ANO3: variants seen among roughly 807,000 people sequenced by gnomAD.
ANO3 encodes anoctamin-3.
In ANO3, 99 loss-of-function variants were observed where a neutral mutation model predicts 144.8. That is an observed-to-expected ratio of 0.68 (90% CI 0.58 to 0.81). The LOEUF (loss-of-function observed/expected upper bound fraction) is 0.81. ANO3 is among the 30% of genes least tolerant of loss of function. The pLI, the probability that ANO3 is intolerant of heterozygous loss-of-function variation, is 0.00. For synonymous variants in ANO3, 414 were observed against 392.6 expected, an observed-to-expected ratio of 1.05 and a Z score of -0.64; for missense variants, 905 against 1,202.2, an observed-to-expected ratio of 0.75 and a Z score of 3.66.
chr11:26,402,772 C>A (rs1187869788), intron 1 of ANO3, among the ~76,000 whole-genome samples: 3 of 151,808 alleles, frequency 2.0e-5, no homozygotes, highest in Non-Finnish European at 2.9e-5. Context: ...AGCTTAATAC[C>A]AGGTGATGAA....
intron 1 of ANO3, among the ~76,000 whole-genome samples, chr11:26,206,078 A>AT (rs1851790650): frequency 1.3e-5 from 2 of 152,282 alleles, no homozygotes; most frequent in South Asian, 4.1e-4. Flanking sequence ...ATCAAACAGG[A>AT]TTTTATTGCA....
intron 1 of ANO3, chr11:26,309,815 A>G (rs968445722): frequency 4.1e-6 from 2 of 490,528 alleles, no homozygotes; most frequent in African/African-American, 4.2e-5. Context: ...GGGGGTGAAA[A>G]TTTAACGCAA....
chr11:26,579,998 A>T (rs1259180193), intron 14 of ANO3, among the ~76,000 whole-genome samples: 1 of 152,110 alleles, frequency 6.6e-6, no homozygotes, highest in Non-Finnish European at 1.5e-5. Context: ...GAGATATACA[A>T]TTTTGGAAGC....
chr11:26,254,451 A>G (rs1310304703), intron 1 of ANO3, among the ~76,000 whole-genome samples: 2 of 152,154 alleles, frequency 1.3e-5, no homozygotes, highest in South Asian at 2.1e-4. Flanking sequence ...CCCTTTCTAT[A>G]TTATTTAAAA....
At chr11:26,239,608 T>C (rs957059835) in intron 1 of ANO3, among the ~76,000 whole-genome samples, 2 of 152,182 alleles carry the variant, frequency 1.3e-5, no homozygotes, top group Non-Finnish European at 2.9e-5. Context: ...CATTCCCTTA[T>C]ATCACCCATA....
intron 4 of ANO3, among the ~76,000 whole-genome samples, chr11:26,486,463 T>C (rs918386096): frequency 2.0e-5 from 3 of 152,166 alleles, no homozygotes; most frequent in African/African-American, 7.2e-5. Flanking sequence ...TGTTTGAGTT[T>C]TATTTGTGAT....
chr11:26,385,081 G>A (rs1254893526), intron 1 of ANO3, among the ~76,000 whole-genome samples: 2 of 151,954 alleles, frequency 1.3e-5, no homozygotes, highest in African/African-American at 4.8e-5. Flanking sequence ...AATATTCTTA[G>A]TGTAAAGTTA....
At chr11:26,305,984 C>T (rs966102726), upstream of ANO3, among the ~76,000 whole-genome samples, 35 of 152,080 alleles carry the variant, frequency 2.3e-4, no homozygotes, top group Admixed American at 2.3e-3. Flanking sequence ...GACAGAGTCT[C>T]GCTTCTCGCT....
At chr11:26,483,995 C>T (rs778722768) in intron 4 of ANO3, among the ~76,000 whole-genome samples, 5 of 152,124 alleles carry the variant, frequency 3.3e-5, no homozygotes, top group Non-Finnish European at 7.4e-5. Flanking sequence ...AGTTTGGAGT[C>T]ATTATGTCCC....
At chr11:26,429,965 CG>C (rs1334260930) in intron 1 of ANO3, among the ~76,000 whole-genome samples, 1 of 152,028 alleles carries the variant, frequency 6.6e-6, no homozygotes, top group East Asian at 1.9e-4. Context: ...TGGCCAGGCA[CG>C]GGGGCTCACG....
chr11:26,659,519 C>A (rs1288921458), intron 26 of ANO3, among the ~76,000 whole-genome samples: 1 of 151,820 alleles, frequency 6.6e-6, no homozygotes, highest in Non-Finnish European at 1.5e-5. Context: ...TGTGGTGAGA[C>A]CTCATATCTA....
At chr11:26,395,186 T>C (rs28418654) in intron 1 of ANO3, among the ~76,000 whole-genome samples, 1,659 of 152,300 alleles carry the variant, frequency 0.011, 35 homozygotes, top group African/African-American at 0.038. Flanking sequence ...AGCCTTGTAG[T>C]ATAGTTTGAA....
intron 1 of ANO3, among the ~76,000 whole-genome samples, chr11:26,402,875 G>C (rs1371880161): frequency 5.3e-5 from 8 of 151,896 alleles, no homozygotes; most frequent in African/African-American, 1.9e-4. Flanking sequence ...TTAAAAAACA[G>C]TGAGGAACGT....
At chr11:26,564,720 CACACACACACACATATATATATATATAT>C (rs1198837166) in intron 14 of ANO3, among the ~76,000 whole-genome samples, 5 of 75,620 alleles carry the variant, frequency 6.6e-5, no homozygotes, top group East Asian at 4.2e-4. Context: ...CACACACACA[CACACACACACACATATATATATATATAT>C]ATATATATAT....
At chr11:26,618,690 T>A (rs1449352430) in intron 17 of ANO3, among the ~76,000 whole-genome samples, 1 of 152,154 alleles carries the variant, frequency 6.6e-6, no homozygotes, top group Admixed American at 6.5e-5. Flanking sequence ...GCTGCCCCTC[T>A]TTCCAAATCA....
At chr11:26,507,772 A>T (rs1861493791) in intron 4 of ANO3, among the ~76,000 whole-genome samples, 3 of 152,338 alleles carry the variant, frequency 2.0e-5, no homozygotes, top group Admixed American at 6.5e-5. Context: ...ATGAAATAAA[A>T]TAGTAAATAA....
rs1293501190 is a variant in ANO3, at chr11:26,392,808, A to G, written c.47-49110A>G. On this transcript the variant is annotated intron_variant, in intron 1 of 26. Transcript: ENST00000256737. ...CCACTCTGTAAACTTTGAGATTATT[A>G]AATTATTTGGCCTTGGTTCAAGCCA... Among the ~76,000 whole-genome samples the G allele has an allele frequency of 2.0e-5, 3 of 152,142 alleles. No homozygotes were observed. In the East Asian group the frequency reaches 5.8e-4, roughly 29 times the overall value.
chr11:26,506,066 T>C (rs185097219), intron 4 of ANO3, among the ~76,000 whole-genome samples: 2 of 151,294 alleles, frequency 1.3e-5, no homozygotes, highest in African/African-American at 4.9e-5. Flanking sequence ...ATTAGTGACA[T>C]TGTTAAAAAA....
intron 1 of ANO3, among the ~76,000 whole-genome samples, chr11:26,351,290 A>G (rs774266649): frequency 2.7e-4 from 41 of 152,118 alleles, no homozygotes; most frequent in Non-Finnish European, 5.3e-4. Flanking sequence ...GTGACCCTAA[A>G]TCACGTTTTT....
Sources: gnomAD v4.1 joint callset for allele counts (sites outside exome capture counted in the v4.1 genomes callset) on GRCh38, gnomAD v4.1.1 for gene constraint, MANE v1.5 for transcripts, NCBI Gene and HGNC (gene_info 2026-07-23, HGNC 2026-07-21) for gene names.